ZNF385D: variants seen among roughly 807,000 people sequenced by gnomAD.
ZNF385D encodes the protein zinc finger protein 659.
ZNF385D carries 15 observed loss-of-function variants against 35.8 expected under a neutral mutation model. The observed-to-expected ratio is 0.42, with a 90% CI of 0.28 to 0.64. ZNF385D has a LOEUF of 0.64. Ranked by LOEUF, ZNF385D falls within the 30% of genes least tolerant of loss-of-function variation. ZNF385D has a pLI of 0.23. For missense variants in ZNF385D, 474 were observed against 494.6 expected (o/e 0.96, Z 0.39); for synonymous variants, 212 against 186.8 (o/e 1.13, Z -1.10).
intron 3 of ZNF385D, among the ~76,000 whole-genome samples, chr3:21,786,022 C>CTTTT (rs71901814): frequency 2.0e-5 from 3 of 148,640 alleles, no homozygotes; most frequent in African/African-American, 7.4e-5. Flanking sequence ...TTACTTTACC[C>CTTTT]TTTTTTTTTT....
chr3:22,195,241 TTTC>T (rs1216393858), intron 2 of ZNF385D, among the ~76,000 whole-genome samples: 2 of 151,978 alleles, frequency 1.3e-5, no homozygotes, highest in Non-Finnish European at 2.9e-5. Flanking sequence ...GAACACTTTT[TTTC>T]TTAACTCCTA....
chr3:21,584,130 CGCTAG>C lies in ZNF385D; in HGVS notation c.166-19451_166-19447del, dbSNP rs1465892040. Among the ~76,000 whole-genome samples the C allele has an allele frequency of 2.0e-5, 3 of 151,956 alleles. No homozygotes were observed. The East Asian group carries it at 5.8e-4, about 29-fold the overall frequency. On this transcript the variant is annotated intron_variant, in intron 2 of 7. Coordinates refer to ENST00000281523, the MANE Select transcript of ZNF385D (RefSeq NM_024697.3). ...CTGGGATTTCAAGCACACACCACCA[CGCTAG>C]GCTAATTTTTGTATTTTTACTATAG... is the stretch of plus-strand genomic sequence containing the variant.
At chr3:21,613,765 T>A (rs2064758870) in intron 2 of ZNF385D, among the ~76,000 whole-genome samples, 1 of 152,186 alleles carries the variant, frequency 6.6e-6, no homozygotes, top group African/African-American at 2.4e-5. Flanking sequence ...GAAACATGAA[T>A]TTGTAAGGGA....
intron 3 of ZNF385D, among the ~76,000 whole-genome samples, chr3:21,953,989 G>C (rs1702175905): frequency 6.6e-6 from 1 of 151,892 alleles, no homozygotes; most frequent in African/African-American, 2.4e-5. Context: ...ATATAAGCTG[G>C]ACAAAAGAGA....
At chr3:22,152,531 G>A (rs1000400504) in intron 3 of ZNF385D, among the ~76,000 whole-genome samples, 3 of 152,070 alleles carry the variant, frequency 2.0e-5, no homozygotes, top group African/African-American at 7.2e-5. Flanking sequence ...CTGTTTCCTT[G>A]CCTCTTTCAG....
At chr3:21,422,419 T>G (rs1700785300) in intron 7 of ZNF385D, among the ~76,000 whole-genome samples, 1 of 152,184 alleles carries the variant, frequency 6.6e-6, no homozygotes, top group African/African-American at 2.4e-5. Flanking sequence ...GTAGGTAAAT[T>G]TGTGTCATGC....
intron 3 of ZNF385D, among the ~76,000 whole-genome samples, chr3:21,529,978 G>C (rs144004503): frequency 1.3e-4 from 20 of 152,212 alleles, no homozygotes; most frequent in South Asian, 2.1e-4. Context: ...GAGGTGTTTG[G>C]GTCATGGGGG....
In ZNF385D at chr3:22,329,290, T is replaced by G. The variant is rs897485453; in HGVS notation, c.106+43160A>C. ...TTCTTCTCTTTCTTGAGTAACAATT[T>G]GGTTTGGTACAATATTTTTAGGTAT... On this transcript the variant is annotated intron_variant, in intron 2 of 5. Transcript: ENST00000494108. Among the ~76,000 whole-genome samples, 15 of 152,246 alleles carry G rather than the reference T, an allele frequency of 9.9e-5. 1 individual carries two copies. The South Asian group carries it at 3.1e-3, about 32-fold the overall frequency.
chr3:22,251,024 C>T (rs1388550), intron 2 of ZNF385D, among the ~76,000 whole-genome samples: 50,621 of 151,858 alleles, frequency 0.33, 8,689 homozygotes, highest in Admixed American at 0.39. Context: ...ATCAATCGCC[C>T]TTACCTCAGA....
intron 3 of ZNF385D, among the ~76,000 whole-genome samples, chr3:21,910,907 A>C (rs989595429): frequency 1.3e-5 from 2 of 151,914 alleles, no homozygotes; most frequent in Non-Finnish European, 2.9e-5. Flanking sequence ...TTTGATAACT[A>C]TTTTATATAG....
chr3:22,047,286 C>T (rs1452928604), intron 3 of ZNF385D, among the ~76,000 whole-genome samples: 1 of 152,004 alleles, frequency 6.6e-6, no homozygotes, highest in East Asian at 1.9e-4. Flanking sequence ...CAACAATCTA[C>T]TCTCAGCAAT....
At chr3:22,098,223 G>A (rs914300137) in intron 3 of ZNF385D, among the ~76,000 whole-genome samples, 1 of 151,934 alleles carries the variant, frequency 6.6e-6, no homozygotes, top group African/African-American at 2.4e-5. Flanking sequence ...TTGCATCATG[G>A]ACAAAAATAT....
intron 3 of ZNF385D, among the ~76,000 whole-genome samples, chr3:22,027,494 T>A (rs1395282462): frequency 6.6e-6 from 1 of 152,190 alleles, no homozygotes; most frequent in East Asian, 1.9e-4. Flanking sequence ...TCTAGGATTT[T>A]GGAGCAAGGT....
chr3:21,904,280 G>T (rs1254846862), intron 3 of ZNF385D, among the ~76,000 whole-genome samples: 1 of 132,808 alleles, frequency 7.5e-6, no homozygotes, highest in Non-Finnish European at 1.5e-5. Context: ...CTCCAGCCTG[G>T]TGACAGAGTG....
At chr3:21,851,187 G>C (rs892615640) in intron 3 of ZNF385D, among the ~76,000 whole-genome samples, 2 of 151,894 alleles carry the variant, frequency 1.3e-5, no homozygotes, top group African/African-American at 2.4e-5. Context: ...AAAACAAAAA[G>C]TAAGTGAAAT....
intron 3 of ZNF385D, among the ~76,000 whole-genome samples, chr3:21,977,433 A>G (rs1703702183): frequency 6.6e-6 from 1 of 152,176 alleles, no homozygotes; most frequent in South Asian, 2.1e-4. Context: ...TTGGCTTTCA[A>G]GGAACACAAA....
In ZNF385D at chr3:22,356,640, A is replaced by G. The variant is rs142866410; in HGVS notation, c.106+15810T>C. 1.4e-4 allele frequency among the ~76,000 whole-genome samples: 21 copies of G among 152,120 alleles called. 1 individual carries two copies. The East Asian group carries it at 3.7e-3, about 27-fold the overall frequency. On this transcript the variant is annotated intron_variant, in intron 2 of 5. Transcript: ENST00000494108. ...TACTGTACGAATATTAGATAGGTAG[A>G]TAATACATAGAATGCAAAGTGTTAT...
intron 3 of ZNF385D, among the ~76,000 whole-genome samples, chr3:21,931,995 G>A (rs1343001104): frequency 6.6e-6 from 1 of 151,308 alleles, no homozygotes; most frequent in Non-Finnish European, 1.5e-5. Context: ...GTGAAACCCC[G>A]TCTCTACTAA....
chr3:22,085,934 A>G (rs918086393), intron 3 of ZNF385D, among the ~76,000 whole-genome samples: 1 of 152,200 alleles, frequency 6.6e-6, no homozygotes, highest in African/African-American at 2.4e-5. Flanking sequence ...CATCACATAA[A>G]CACAACCAAT....
Sources: gnomAD v4.1 joint callset for allele counts (sites outside exome capture counted in the v4.1 genomes callset) on GRCh38, gnomAD v4.1.1 for gene constraint, MANE v1.5 for transcripts, NCBI Gene and HGNC (gene_info 2026-07-23, HGNC 2026-07-21) for gene names.